Variants in TECPR1 observed in about 807,000 individuals in gnomAD.
TECPR1 encodes tectonin beta-propeller repeat containing 1, also known as tectonin beta-propeller repeat-containing protein 1.
A neutral mutation model predicts 162.4 loss-of-function variants in TECPR1; 122 were observed. That is an observed-to-expected ratio of 0.75 (90% CI 0.65 to 0.87). TECPR1 has a LOEUF of 0.87. TECPR1 is among the 40% of genes least tolerant of loss of function. The pLI, the probability that TECPR1 is intolerant of heterozygous loss-of-function variation, is 0.00. For missense variants in TECPR1, 1,432 were observed against 1,618.2 expected (o/e 0.88, Z 1.97); for synonymous variants, 642 against 670.6 (o/e 0.96, Z 0.66).
intron 6 of TECPR1, among the ~76,000 whole-genome samples, chr7:98,242,977 CCCATCCATCCATCCACCCACCCAT>C (rs1473173944): frequency 1.1e-3 from 11 of 10,386 alleles, no homozygotes; most frequent in Non-Finnish European, 3.7e-3. Context: ...TCCACCCACA[CCCATCCATCCATCCACCCACCCAT>C]CCACCCATCC....
At position 98,233,440 on chromosome 7, in the gene TECPR1, T is replaced by C. The variant is rs748488069; in HGVS notation, c.1653A>G (p.Arg551=). The C allele has an allele frequency of 3.4e-6, 5 of 1,457,630 alleles. No homozygotes were observed. The highest frequency in any genetic ancestry group is 4.5e-6 in the Non-Finnish European group (5 of 1,104,534). The allele number at this position is 1,457,630 out of a possible 1,614,324, so 90.3% of individuals were successfully genotyped here. Residue 551 remains arginine, a synonymous_variant, in exon 11 of 26, where the codon AGA becomes AGG. Coordinates refer to ENST00000447648, the MANE Select transcript of TECPR1 (RefSeq NM_015395.3). ...CCTTACCCGCCTGGACAGTGAACCATCTGGGCATGGCACATGCCTCCACCA... is the reference window on the plus strand; with the variant it reads ...CCTTACCCGCCTGGACAGTGAACCACCTGGGCATGGCACATGCCTCCACCA... ...GCVVEACAMP[R]WFTVQAGLSS...
At chr7:98,222,275 T>G in intron 22 of TECPR1, 111 bp downstream of exon 22, 1 of 1,426,512 alleles carries the variant, frequency 7.0e-7, no homozygotes, top group Non-Finnish European at 9.3e-7. Context: ...GACTCCCACT[T>G]CTGGGGGAAG....
intron 6 of TECPR1, among the ~76,000 whole-genome samples, chr7:98,243,067 CATCCACACACCCACCT>C (rs1416074813): frequency 3.8e-5 from 4 of 104,702 alleles, no homozygotes; most frequent in Non-Finnish European, 4.2e-5. Flanking sequence ...TCCACCCATC[CATCCACACACCCACCT>C]ATCCATCCAT....
Position 98,217,238 on chromosome 7 carries a change from G to A in TECPR1, c.*152C>T. ...ACATTTCAGGGCCGTCTCAGCCAGT[G>A]CCTCTGAAGTGGCCGCAGCCTTGGG... On this transcript the variant is annotated 3_prime_UTR_variant, in exon 26 of 26. Coordinates refer to ENST00000447648, the MANE Select transcript of TECPR1 (RefSeq NM_015395.3). The A allele has an allele frequency of 1.7e-6, 1 of 603,258 alleles. No homozygotes were observed. 37.4% of individuals were successfully genotyped at this position (603,258 alleles called of 1,614,324 possible).
At chr7:98,228,934 T>G in intron 16 of TECPR1, 105 bp downstream of exon 16, 2 of 1,438,064 alleles carry the variant, frequency 1.4e-6, no homozygotes, top group Non-Finnish European at 1.8e-6. Flanking sequence ...GTTAGCCGAG[T>G]GTGAACACTG....
In TECPR1 at chr7:98,234,771, C is replaced by T. The variant is rs187700404; in HGVS notation, c.1182-860G>A. The stretch of plus-strand genomic sequence containing the variant: ...TGTTGCCCAGGCTGGAGTGTAGTGA[C>T]GTGATCATAGCTCACTGCAGCCTCG... On this transcript the variant is annotated intron_variant, in intron 10 of 25. Coordinates refer to ENST00000447648, the MANE Select transcript of TECPR1 (RefSeq NM_015395.3). 1.4e-3 allele frequency among the ~76,000 whole-genome samples: 193 copies of T among 137,650 alleles called. 2 individuals are homozygous for T. The highest frequency in any genetic ancestry group is 4.9e-3 in the African/African-American group (179 of 36,528). The allele number at this position is 137,650 out of a possible 152,430, so 90.3% of individuals were successfully genotyped here. A position where few individuals can be genotyped will look rare whatever the true frequency, so the allele number is the denominator to read the frequency against.
At chr7:98,224,926 G>T in intron 18 of TECPR1, 46 bp from the exon 19 acceptor site, 1 of 1,549,728 alleles carries the variant, frequency 6.5e-7, no homozygotes, top group East Asian at 2.4e-5. Flanking sequence ...GAATCCAGAA[G>T]GCAGTCAGAA....
intron 5 of TECPR1, 137 bp downstream of exon 5, chr7:98,244,434 A>T: frequency 8.6e-7 from 1 of 1,159,168 alleles, no homozygotes; most frequent in South Asian, 1.6e-5. Context: ...CCGGGACAGG[A>T]AACAGCTCAA....
At chr7:98,235,621 G>A (rs1311199072) in intron 10 of TECPR1, among the ~76,000 whole-genome samples, 1 of 150,842 alleles carries the variant, frequency 6.6e-6, no homozygotes, top group Non-Finnish European at 1.5e-5. Flanking sequence ...GGTCACTTGA[G>A]GTTAGGAGTT....
chr7:98,230,273 T>C (rs550003947), intron 15 of TECPR1, among the ~76,000 whole-genome samples: 10 of 152,012 alleles, frequency 6.6e-5, no homozygotes, highest in Non-Finnish European at 5.9e-5. Flanking sequence ...CCCAGAGTGA[T>C]GAGATTGCAG....
intron 5 of TECPR1, 132 bp from the exon 6 acceptor site, chr7:98,243,724 A>G: frequency 8.0e-7 from 1 of 1,252,328 alleles, no homozygotes; most frequent in Non-Finnish European, 1.1e-6. Context: ...ATTCACAGGG[A>G]AGGCAGCATC....
At chr7:98,229,300 C>G (rs1798360695) in intron 15 of TECPR1, 134 bp from the exon 16 acceptor site, 2 of 1,202,462 alleles carry the variant, frequency 1.7e-6, no homozygotes, top group African/African-American at 3.1e-5. Flanking sequence ...ACAGACCATC[C>G]ACCCTGCCTG....
intron 15 of TECPR1, among the ~76,000 whole-genome samples, chr7:98,230,400 C>T (rs1798393748): frequency 6.6e-6 from 1 of 151,968 alleles, no homozygotes; most frequent in African/African-American, 2.4e-5. Flanking sequence ...GGCTACCCCA[C>T]GTCCCCCAGG....
At position 98,224,866 on chromosome 7, in the gene TECPR1, G is replaced by A. The variant is rs1033134856; in HGVS notation, c.2625C>T (p.Phe875=). Reference sequence around the variant, plus strand: ...TGCCCCCCGGAACGCTGAAATCCACGAACCAGTCGGAAACCTGGGAGGAGT... The same window carrying A: ...TGCCCCCCGGAACGCTGAAATCCACAAACCAGTCGGAAACCTGGGAGGAGT... ...SLQWAWVSDW[F]VDFSVPGGTD... is the part of the protein sequence containing the mutation. The change falls in exon 19 of 26, where the codon TTC becomes TTT. Residue 875 remains phenylalanine (F), a synonymous_variant. Transcript: ENST00000447648. The A allele has an allele frequency of 4.5e-6, 7 of 1,563,764 alleles. No homozygotes were observed. The highest frequency in any genetic ancestry group is 2.4e-5 in the East Asian group (1 of 41,980).
intron 21 of TECPR1, 101 bp from the exon 22 acceptor site, chr7:98,222,622 G>T: frequency 7.2e-7 from 1 of 1,395,124 alleles, no homozygotes; most frequent in South Asian, 1.4e-5. Flanking sequence ...GGGCAGCATA[G>T]GTGGCTGGGG....
chr7:98,237,048 G>C (rs1798623032), intron 9 of TECPR1, 127 bp from the exon 10 acceptor site: 1 of 1,083,698 alleles, frequency 9.2e-7, no homozygotes, highest in African/African-American at 1.6e-5. Flanking sequence ...GAAGGTCCAT[G>C]CTGGGGCTGT....
At position 98,243,695 on chromosome 7, in the gene TECPR1, C is replaced by T; in HGVS notation, c.532-103G>A. 8 of 1,430,284 alleles carry T rather than the reference C, an allele frequency of 5.6e-6. No homozygotes were observed. The South Asian group carries it at 1.1e-4, about 19-fold the overall frequency. 88.6% of individuals were successfully genotyped at this position (1,430,284 alleles called of 1,614,324 possible). ...GCCATCCGGACTTCCATTCTTCAGC[C>T]CAGCCTGCAGCTGCCTTAATTCACA... On this transcript the variant is annotated intron_variant, in intron 5 of 25. Transcript: ENST00000447648.
In TECPR1 at chr7:98,216,558, C is replaced by CT. The variant is rs34415455; in HGVS notation, c.*831dup. The CT allele has an allele frequency of 0.13, 14,667 of 109,940 alleles. 1,183 individuals carry two copies. Among genetic ancestry groups the CT allele is most frequent in the African/African-American group, 0.15 (4,386 of 28,538 alleles). 6.8% of individuals were successfully genotyped at this position (109,940 alleles called of 1,614,324 possible). A position where few individuals can be genotyped will look rare whatever the true frequency, so the allele number is the denominator to read the frequency against. On this transcript the variant is annotated 3_prime_UTR_variant, in exon 26 of 26. Transcript: ENST00000447648. ...TCCAATCTGCTGTCTCCTTCCTTCA[C>CT]TTTTTTTTTTTTTTTTTTTTGAGAT...
intron 9 of TECPR1, 110 bp downstream of exon 9, chr7:98,238,399 G>A (rs1486401957): frequency 5.7e-6 from 5 of 872,290 alleles, no homozygotes; most frequent in Non-Finnish European, 9.3e-6. Context: ...CAGTACAATG[G>A]AGTGGGGGGC....
Sources: allele counts gnomAD v4.1 joint callset (sites outside exome capture counted in the v4.1 genomes callset), GRCh38; gene constraint gnomAD v4.1.1; transcripts MANE v1.5; gene names NCBI Gene and HGNC (gene_info 2026-07-23, HGNC 2026-07-21).